Variants in SLC39A13 observed in about 807,000 individuals in gnomAD.
SLC39A13 encodes the protein solute carrier family 39 member 13, also known as zinc transporter ZIP13.
Under a neutral mutation model 38.7 loss-of-function variants are expected in SLC39A13, and 18 were observed. The observed-to-expected ratio is 0.47, with a 90% CI of 0.32 to 0.69. The LOEUF (loss-of-function observed/expected upper bound fraction) is 0.69. Ranked by LOEUF, SLC39A13 falls within the 30% of genes least tolerant of loss-of-function variation. The pLI is 0.03. For missense variants in SLC39A13, 395 were observed against 490.7 expected (o/e 0.80, Z 1.84); for synonymous variants, 212 against 219.1 (o/e 0.97, Z 0.29).
Position 47,415,461 on chromosome 11 carries a change from C to CGA in SLC39A13, c.*105_*106dup, listed in dbSNP as rs1565669786. 2.1e-6 allele frequency: 3 copies of CGA among 1,399,422 alleles called. No homozygotes were observed. Among genetic ancestry groups the CGA allele is most frequent in the African/African-American group, 1.4e-5 (1 of 70,804 alleles). The allele number at this position is 1,399,422 out of a possible 1,614,324, so 86.7% of individuals were successfully genotyped here. A position where few individuals can be genotyped will look rare whatever the true frequency, so the allele number is the denominator to read the frequency against. On this transcript the variant is annotated 3_prime_UTR_variant, in exon 10 of 10. Coordinates refer to ENST00000362021, the MANE Select transcript of SLC39A13 (RefSeq NM_001128225.3). ...GAGAGGCAGAGAGGGCGAGTGGCTGCGAGAGAGAATGAGCCTCCCGCCAGA... is the reference window on the plus strand; with the variant it reads ...GAGAGGCAGAGAGGGCGAGTGGCTGCGAGAGAGAGAATGAGCCTCCCGCCAGA...
rs1012579921 is a variant in SLC39A13, at chr11:47,410,090, G to A, written c.-5G>A. 6.8e-6 allele frequency: 11 copies of A among 1,612,604 alleles called. No homozygotes were observed. Among genetic ancestry groups the A allele is most frequent in the East Asian group, 2.2e-5 (1 of 44,888 alleles). On this transcript the variant is annotated 5_prime_UTR_variant, in exon 2 of 10. The change creates a new upstream start codon in the 5' untranslated region. Coordinates refer to ENST00000362021, the MANE Select transcript of SLC39A13 (RefSeq NM_001128225.3). ...GGTGGCCTTTTGTGTTTTTCAGTACGTGGCATGCCTGGATGTCCCTGCCCT... is the reference window on the plus strand; with the variant it reads ...GGTGGCCTTTTGTGTTTTTCAGTACATGGCATGCCTGGATGTCCCTGCCCT...
At position 47,413,691 on chromosome 11, in the gene SLC39A13, G is replaced by T. The variant is rs1417833486; in HGVS notation, c.735+5G>T. On this transcript the variant is annotated splice_donor_5th_base_variant and intron_variant, in intron 6 of 9. Coordinates refer to ENST00000362021, the MANE Select transcript of SLC39A13 (RefSeq NM_001128225.3). ...AGCTTCCTTGTGAGCAAGAAGGTGA[G>T]GGGCTTGGGGCCAGTGGGGCTCTGG... 2 of 1,613,582 alleles carry T rather than the reference G, an allele frequency of 1.2e-6. No individual in the cohort carries two copies. The highest frequency in any genetic ancestry group is 2.7e-5 in the African/African-American group (2 of 74,916).
At chr11:47,407,464 G>A (rs1276660681), upstream of SLC39A13, 1 of 152,312 alleles carries the variant, frequency 6.6e-6, no homozygotes, top group Non-Finnish European at 1.5e-5. Context: ...TAAATGGTTG[G>A]AGCTGCCATG....
rs1482883097 is a variant in SLC39A13, at chr11:47,413,126, A to G, written c.538-274A>G. 2.6e-5 allele frequency among the ~76,000 whole-genome samples: 4 copies of G among 152,114 alleles called. No individual in the cohort carries two copies. In the East Asian group the frequency reaches 7.7e-4, roughly 29 times the overall value. On this transcript the variant is annotated intron_variant, in intron 4 of 9. Transcript: ENST00000362021. ...AGCTTTCACCTCCCAGGTTCAAGCA[A>G]TTCTTCTGCCTCAGCCTCCCAAGTA...
At chr11:47,412,611 T>G in intron 4 of SLC39A13, 144 bp downstream of exon 4, 1 of 1,442,994 alleles carries the variant, frequency 6.9e-7, no homozygotes, top group Non-Finnish European at 9.4e-7. Flanking sequence ...TTGGGCCACC[T>G]TCTTTGGGAC....
intron 2 of SLC39A13, 113 bp from the exon 3 acceptor site, chr11:47,411,813 C>A: frequency 9.9e-7 from 1 of 1,011,064 alleles, no homozygotes; most frequent in Non-Finnish European, 1.5e-6. Flanking sequence ...GAAGAGCAGC[C>A]ACCCATATCC....
chr11:47,409,401 C>T (rs2095985612), intron 1 of SLC39A13, among the ~76,000 whole-genome samples: 1 of 152,180 alleles, frequency 6.6e-6, no homozygotes, highest in African/African-American at 2.4e-5. Context: ...GATATTGATC[C>T]CTGTCCTGCA....
chr11:47,414,843 T>A lies in SLC39A13; in HGVS notation c.853T>A (p.Ser285Thr). The A allele has an allele frequency of 6.2e-7, 1 of 1,612,574 alleles. No homozygotes were observed. Among genetic ancestry groups the A allele is most frequent in the South Asian group, 1.1e-5 (1 of 91,042 alleles). ...DRWSAAKLQL[S>T]TALGGLLGAG... is the part of the protein sequence containing the mutation. ...ATGGAGCGCAGCCAAGCTGCAACTCTCAACAGCGCTGGGGGGCCTACTGGG... is the reference window on the plus strand; with the variant it reads ...ATGGAGCGCAGCCAAGCTGCAACTCACAACAGCGCTGGGGGGCCTACTGGG... The change falls in exon 8 of 10, where the codon TCA becomes ACA. Residue 285 changes from serine (S) to threonine (T), a missense_variant. Ser to Thr is a moderately conservative substitution (Grantham distance 58). Transcript: ENST00000362021.
chr11:47,410,662 G>C (rs770105876), intron 2 of SLC39A13, among the ~76,000 whole-genome samples: 2 of 152,084 alleles, frequency 1.3e-5, no homozygotes, highest in Non-Finnish European at 2.9e-5. Flanking sequence ...GCTTTGTCCT[G>C]ACTACCCTTT....
chr11:47,410,330 G>A lies in SLC39A13; in HGVS notation c.236G>A (p.Gly79Glu). ...TCCCTCCTGGGTTCCCTCATGGTGG[G>A]GCTCAGTGGGGTCTTCCCGTTGCTT... ...ICSLLGSLMV[G>E]LSGVFPLLVI... The change falls in exon 2 of 10, where the codon GGG (glycine) becomes GAG (glutamate). Residue 79 changes from glycine to glutamate, a missense_variant. Physicochemically the swap from Gly to Glu is moderately conservative, Grantham distance 98. Transcript: ENST00000362021. 1 of 1,614,128 alleles carries A rather than the reference G, an allele frequency of 6.2e-7. No individual in the cohort carries two copies. The highest frequency in any genetic ancestry group is 8.5e-7 in the Non-Finnish European group (1 of 1,180,004).
chr11:47,415,269 A>G lies in SLC39A13; in HGVS notation c.1041-19A>G, dbSNP rs2096021163. 1 of 1,613,656 alleles carries G rather than the reference A, an allele frequency of 6.2e-7. No individual in the cohort carries two copies. The highest frequency in any genetic ancestry group is 8.5e-7 in the Non-Finnish European group (1 of 1,179,996). ...TCCCCCTGCCCATGCCTCCACCGTG[A>G]GCCGTTCCCTCCCCACAGGCGCTCC... is the stretch of plus-strand genomic sequence containing the variant. On this transcript the variant is annotated intron_variant, in intron 9 of 9. Transcript: ENST00000362021.
chr11:47,408,106 ACTT>A (rs2095978444), upstream of SLC39A13, among the ~76,000 whole-genome samples: 2 of 152,196 alleles, frequency 1.3e-5, no homozygotes, highest in African/African-American at 4.8e-5. Flanking sequence ...TGCGGCAGGC[ACTT>A]CCCCTTTCCC....
Position 47,410,374 on chromosome 11 carries a change from G to A in SLC39A13, c.280G>A (p.Gly94Arg), listed in dbSNP as rs1386651332. Residue 94 changes from glycine (G) to arginine (R), a missense_variant, in exon 2 of 10, where the codon GGG becomes AGG. Physicochemically the swap from Gly to Arg is moderately radical, Grantham distance 125. Transcript: ENST00000362021. ...FPLLVIPLEM[G>R]TMLRSEAGAW... ...GTTGCTTGTCATTCCCCTAGAGATG[G>A]GGACCATGCTGCGCTCAGAAGGTAG... 1 of 1,614,072 alleles carries A rather than the reference G, an allele frequency of 6.2e-7. No homozygotes were observed.
chr11:47,414,837 C>T lies in SLC39A13; in HGVS notation c.847C>T (p.Gln283Ter). ...GFDRWSAAKL[Q>*]LSTALGGLLG... is the part of the protein sequence containing the mutation. ...TGACCGATGGAGCGCAGCCAAGCTG[C>T]AACTCTCAACAGCGCTGGGGGGCCT... is the stretch of plus-strand genomic sequence containing the variant. Residue 283 changes from glutamine (Q) to a stop codon, truncating the protein, a stop_gained, in exon 8 of 10, where the codon CAA (glutamine) becomes TAA (stop). Transcript: ENST00000362021. LOFTEE classifies it high-confidence loss of function. 6.2e-7 allele frequency: 1 copy of T among 1,612,544 alleles called. No individual in the cohort carries two copies. The highest frequency in any genetic ancestry group is 8.5e-7 in the Non-Finnish European group (1 of 1,180,008).
rs1247789156 is a variant in SLC39A13 at position 47,416,122 on chromosome 11, C to G, written c.*759C>G. On this transcript the variant is annotated 3_prime_UTR_variant, in exon 10 of 10. Coordinates refer to ENST00000362021, the MANE Select transcript of SLC39A13 (RefSeq NM_001128225.3). ...CCTCCCGGTCCAGCTCAGGGATGCT[C>G]CTGCCAGCACAGGGGCCAGGGACTC... is the stretch of plus-strand genomic sequence containing the variant. 2 of 153,978 alleles carry G rather than the reference C, an allele frequency of 1.3e-5. No individual in the cohort carries two copies. Among genetic ancestry groups the G allele is most frequent in the East Asian group, 3.8e-4 (2 of 5,210 alleles). The allele number at this position is 153,978 out of a possible 1,614,324, so 9.5% of individuals were successfully genotyped here.
intron 7 of SLC39A13, 124 bp from the exon 8 acceptor site, chr11:47,414,653 T>G: frequency 6.5e-7 from 1 of 1,538,980 alleles, no homozygotes; most frequent in Non-Finnish European, 8.9e-7. Context: ...TCTGCCATAC[T>G]CAGGATGGGG....
intron 1 of SLC39A13, 156 bp from the exon 2 acceptor site, chr11:47,409,931 C>A (rs2095989062): frequency 3.7e-6 from 3 of 813,042 alleles, no homozygotes; most frequent in Admixed American, 2.2e-5. Flanking sequence ...GGCCCCATTG[C>A]TGTGCACCCA....
Position 47,410,319 on chromosome 11 carries a change from C to T in SLC39A13, c.225C>T (p.Ser75=). The T allele has an allele frequency of 6.2e-7, 1 of 1,614,136 alleles. No homozygotes were observed. The highest frequency in any genetic ancestry group is 2.2e-5 in the East Asian group (1 of 44,876). The change falls in exon 2 of 10, where the codon TCC becomes TCT. Residue 75 remains serine (S), a synonymous_variant. Coordinates refer to ENST00000362021, the MANE Select transcript of SLC39A13 (RefSeq NM_001128225.3). ...CCTGGATCTGCTCCCTCCTGGGTTC[C>T]CTCATGGTGGGGCTCAGTGGGGTCT... ...LDTWICSLLG[S]LMVGLSGVFP... is the part of the protein sequence containing the mutation.
Position 47,415,352 on chromosome 11 carries a change from T to C in SLC39A13, c.1105T>C (p.Phe369Leu), listed in dbSNP as rs2096021938. 2 of 1,614,096 alleles carry C rather than the reference T, an allele frequency of 1.2e-6. No homozygotes were observed. Among genetic ancestry groups the C allele is most frequent in the Non-Finnish European group, 1.7e-6 (2 of 1,180,016 alleles). The stretch of plus-strand genomic sequence containing the variant: ...CGTGGTAATGGTGCTGTTCTCGCTC[T>C]TCGTGGATTAACTTTCCCTGATGCC... Reference protein sequence around the residue: ...GIVVMVLFSLFVD With the variant: ...GIVVMVLFSLLVD Residue 369 changes from phenylalanine to leucine, a missense_variant, in exon 10 of 10, where the codon TTC becomes CTC. Transcript: ENST00000362021.
Sources: gnomAD v4.1 joint callset for allele counts (sites outside exome capture counted in the v4.1 genomes callset) on GRCh38, gnomAD v4.1.1 for gene constraint, MANE v1.5 for transcripts, NCBI Gene and HGNC (gene_info 2026-07-23, HGNC 2026-07-21) for gene names.